The following MAGI1 variants were observed in gnomAD, a reference collection of about 807,000 sequenced individuals.
MAGI1 encodes the protein membrane-associated guanylate kinase, WW and PDZ domain-containing protein 1.
Under a neutral mutation model 139.9 loss-of-function variants are expected in MAGI1, and 58 were observed. The ratio of observed to expected loss-of-function variants is 0.41; its 90% confidence interval spans 0.34 to 0.52. The LOEUF is 0.52. Among genes scored for constraint, MAGI1 ranks in the 20% least tolerant of loss-of-function variants. The probability of loss-of-function intolerance (pLI) is 0.12; values close to 1 mark genes in which losing one functional copy is unlikely to be tolerated. For missense variants in MAGI1, 1,874 were observed against 1,901.6 expected, an observed-to-expected ratio of 0.99 and a Z score of 0.27; for synonymous variants, 812 against 737.9, an observed-to-expected ratio of 1.10 and a Z score of -1.63.
At chr3:65,644,666 G>A (rs548053992) in intron 1 of MAGI1, among the ~76,000 whole-genome samples, 1 of 152,180 alleles carries the variant, frequency 6.6e-6, no homozygotes, top group East Asian at 1.9e-4. Flanking sequence ...AAATGGAGGA[G>A]ACAGTAGAAA....
chr3:65,522,984 T>G (rs1319625021), intron 2 of MAGI1, among the ~76,000 whole-genome samples: 4 of 152,162 alleles, frequency 2.6e-5, no homozygotes, highest in Non-Finnish European at 5.9e-5. Flanking sequence ...GGGCTTAGTA[T>G]CATTACTATG....
Position 65,565,120 on chromosome 3 carries a change from G to A in MAGI1, c.430+56852C>T, listed in dbSNP as rs951488147. On this transcript the variant is annotated intron_variant, in intron 2 of 22. Coordinates refer to ENST00000402939, the MANE Select transcript of MAGI1 (RefSeq NM_001033057.2). ...CACACGGGTGCACACACATATATAC[G>A]GGCACAAACAATTCATTAAAGGTGA... Among the ~76,000 whole-genome samples, 10 of 152,110 alleles carry A rather than the reference G, an allele frequency of 6.6e-5. No homozygotes were observed. In the East Asian group the frequency reaches 9.7e-4, roughly 15 times the overall value.
At chr3:65,482,229 G>T (rs1350959635) in intron 3 of MAGI1, among the ~76,000 whole-genome samples, 1 of 152,214 alleles carries the variant, frequency 6.6e-6, no homozygotes, top group African/African-American at 2.4e-5. Context: ...GATTCTAAGA[G>T]AACCTAGTTT....
chr3:65,403,676 C>T (rs1945091589), intron 12 of MAGI1, among the ~76,000 whole-genome samples: 2 of 152,126 alleles, frequency 1.3e-5, no homozygotes, highest in South Asian at 4.1e-4. Context: ...GGAAACAATC[C>T]CCCATTAGGT....
chr3:65,661,753 T>TG (rs1296340825), intron 1 of MAGI1, among the ~76,000 whole-genome samples: 2 of 137,036 alleles, frequency 1.5e-5, no homozygotes, highest in East Asian at 4.1e-4. Flanking sequence ...CTGTTTTTTT[T>TG]TTTTTTTTTT....
At chr3:65,417,062 C>T (rs1392434884) in intron 12 of MAGI1, among the ~76,000 whole-genome samples, 1 of 151,972 alleles carries the variant, frequency 6.6e-6, no homozygotes, top group Admixed American at 6.6e-5. Context: ...ATAACGGTTT[C>T]GAAAATGCTC....
chr3:65,860,972 AG>A (rs2059537536), intron 1 of MAGI1, among the ~76,000 whole-genome samples: 1 of 152,222 alleles, frequency 6.6e-6, no homozygotes, highest in Non-Finnish European at 1.5e-5. Context: ...CATTACTTCT[AG>A]GGTAACAGAG....
At chr3:65,757,675 C>A (rs1260375502) in intron 1 of MAGI1, among the ~76,000 whole-genome samples, 1 of 152,156 alleles carries the variant, frequency 6.6e-6, no homozygotes, top group East Asian at 1.9e-4. Context: ...ACCATACCCT[C>A]CTAATGACTT....
chr3:65,946,025 GCTCT>G (rs2063531118), intron 1 of MAGI1, among the ~76,000 whole-genome samples: 1 of 152,134 alleles, frequency 6.6e-6, no homozygotes, highest in African/African-American at 2.4e-5. Context: ...ACATTTTCCT[GCTCT>G]CTAATTTATG....
intron 12 of MAGI1, among the ~76,000 whole-genome samples, chr3:65,421,902 A>T (rs1946653701): frequency 6.6e-6 from 1 of 152,228 alleles, no homozygotes; most frequent in South Asian, 2.1e-4. Context: ...GTTACTAAAC[A>T]TGGAAATGAT....
intron 1 of MAGI1, among the ~76,000 whole-genome samples, chr3:65,824,385 C>T (rs1471288969): frequency 6.6e-6 from 1 of 152,134 alleles, no homozygotes; most frequent in Non-Finnish European, 1.5e-5. Context: ...AAGTCCAAAG[C>T]AACATGTCTT....
chr3:65,854,548 G>A (rs1257343582), intron 1 of MAGI1, among the ~76,000 whole-genome samples: 2 of 152,168 alleles, frequency 1.3e-5, no homozygotes, highest in Non-Finnish European at 2.9e-5. Context: ...AAAATAAACA[G>A]CCACCTTTTC....
At chr3:65,928,148 G>A (rs2062615508) in intron 1 of MAGI1, among the ~76,000 whole-genome samples, 1 of 152,132 alleles carries the variant, frequency 6.6e-6, no homozygotes, top group Non-Finnish European at 1.5e-5. Context: ...GTTCACTGAT[G>A]CACCCCTGGT....
chr3:65,396,891 C>T (rs950511292), intron 13 of MAGI1, among the ~76,000 whole-genome samples: 1 of 152,072 alleles, frequency 6.6e-6, no homozygotes, highest in Non-Finnish European at 1.5e-5. Context: ...CGATTTCTTC[C>T]AAAAAGGTGG....
chr3:66,038,297 C>T lies in MAGI1; in HGVS notation c.12G>A (p.Val4=). Residue 4 remains valine, a synonymous_variant, in exon 1 of 23, where the codon GTG becomes GTA. Transcript: ENST00000402939. MSK[V]IQKKNHWTSR... ...TAGTCCAGTGGTTCTTCTTCTGGAT[C>T]ACTTTGGACATGATGAGTTACACCC... The T allele has an allele frequency of 6.3e-7, 1 of 1,580,338 alleles. No homozygotes were observed.
chr3:65,934,870 A>G (rs1005579048), intron 1 of MAGI1, among the ~76,000 whole-genome samples: 3 of 152,064 alleles, frequency 2.0e-5, no homozygotes, highest in Non-Finnish European at 4.4e-5. Flanking sequence ...CACCAATTTA[A>G]TCTGCATTGC....
At chr3:65,483,579 A>T (rs750076054) in intron 3 of MAGI1, among the ~76,000 whole-genome samples, 73 of 152,348 alleles carry the variant, frequency 4.8e-4, no homozygotes, top group Middle Eastern at 6.8e-3. Flanking sequence ...TGGGGCTATC[A>T]CTTGGCAGGC....
chr3:65,886,590 C>T (rs116165885), intron 1 of MAGI1, among the ~76,000 whole-genome samples: 3,566 of 152,166 alleles, frequency 0.023, 71 homozygotes, highest in Middle Eastern at 0.044. Context: ...ATTTCCAAGC[C>T]GTGTCTGTGA....
intron 1 of MAGI1, among the ~76,000 whole-genome samples, chr3:65,704,836 C>A (rs1576812159): frequency 6.6e-6 from 1 of 152,036 alleles, no homozygotes; most frequent in African/African-American, 2.4e-5. Context: ...CCTCTAGACC[C>A]CGTCTCATCA....
Sources: gnomAD v4.1 joint callset for allele counts (sites outside exome capture counted in the v4.1 genomes callset) on GRCh38, gnomAD v4.1.1 for gene constraint, MANE v1.5 for transcripts, NCBI Gene and HGNC (gene_info 2026-07-23, HGNC 2026-07-21) for gene names.